RNF4: variants seen among roughly 807,000 people sequenced by gnomAD.
RNF4 encodes the protein ring finger protein 4.
RNF4 carries 7 observed loss-of-function variants against 24.3 expected under a neutral mutation model. The observed-to-expected ratio is 0.29, with a 90% CI of 0.16 to 0.54. The LOEUF (loss-of-function observed/expected upper bound fraction) is 0.54, where lower values mean the gene tolerates loss of function less well. Ranked by LOEUF, RNF4 falls within the 20% of genes least tolerant of loss-of-function variation. The probability of loss-of-function intolerance (pLI) is 0.95; values close to 1 mark genes in which losing one functional copy is unlikely to be tolerated. For synonymous variants in RNF4, 83 were observed against 84.3 expected (o/e 0.98, Z 0.09); for missense variants, 209 against 248.5 (o/e 0.84, Z 1.07).
intron 4 of RNF4, among the ~76,000 whole-genome samples, chr4:2,507,260 A>G (rs1158097654): frequency 6.6e-6 from 1 of 152,018 alleles, no homozygotes; most frequent in Non-Finnish European, 1.5e-5. Flanking sequence ...TCTGGGTGTA[A>G]AGGACACAGG....
chr4:2,489,297 C>A (rs538458864), intron 1 of RNF4, among the ~76,000 whole-genome samples: 1 of 152,128 alleles, frequency 6.6e-6, no homozygotes, highest in Non-Finnish European at 1.5e-5. Flanking sequence ...GACAGGAGAC[C>A]CAGCATGAGC....
At chr4:2,504,546 T>TTATTTATTTATG (rs1736010958) in intron 4 of RNF4, among the ~76,000 whole-genome samples, 1 of 149,328 alleles carries the variant, frequency 6.7e-6, no homozygotes, top group African/African-American at 2.4e-5. Flanking sequence ...ATTTATTTAT[T>TTATTTATTTATG]TATTTATTTA....
Position 2,474,970 on chromosome 4 carries a change from T to C in RNF4, c.-158+5712T>C, listed in dbSNP as rs1328172985. On this transcript the variant is annotated intron_variant, in intron 1 of 7. Transcript: ENST00000314289. The stretch of plus-strand genomic sequence containing the variant: ...TGAACCAGGGAGGCAGAGGTTGCGG[T>C]GAGCCAAGATTGCGCCGTTGTACTC... Among the ~76,000 whole-genome samples the C allele has an allele frequency of 2.6e-5, 4 of 152,050 alleles. No homozygotes were observed. In the East Asian group the frequency reaches 5.8e-4, roughly 22 times the overall value.
intron 1 of RNF4, among the ~76,000 whole-genome samples, chr4:2,477,008 C>G (rs1423002976): frequency 6.6e-6 from 1 of 151,420 alleles, no homozygotes; most frequent in Non-Finnish European, 1.5e-5. Flanking sequence ...TCTTGAACTC[C>G]TGACTTCAGG....
rs190241979 is a variant in RNF4 at position 2,479,256 on chromosome 4, G to A, written c.-158+9998G>A. Among the ~76,000 whole-genome samples, 49 of 152,316 alleles carry A rather than the reference G, an allele frequency of 3.2e-4. No homozygotes were observed. In the East Asian group the frequency reaches 9.3e-3, roughly 29 times the overall value. ...GATTTACAGGCTCATAGGTGGAAGG[G>A]ACTTGCCTTGTCTCGGATGAGACTT... On this transcript the variant is annotated intron_variant, in intron 1 of 7. Coordinates refer to ENST00000314289, the MANE Select transcript of RNF4 (RefSeq NM_002938.5).
intron 1 of RNF4, among the ~76,000 whole-genome samples, chr4:2,487,546 A>C (rs1735448246): frequency 6.6e-6 from 1 of 152,174 alleles, no homozygotes; most frequent in Non-Finnish European, 1.5e-5. Context: ...TCAGCCTCCC[A>C]GAGTGCTGGG....
intron 2 of RNF4, among the ~76,000 whole-genome samples, chr4:2,491,511 C>T (rs902835286): frequency 3.3e-5 from 5 of 152,104 alleles, no homozygotes; most frequent in African/African-American, 4.8e-5. Flanking sequence ...GGTACCATCT[C>T]GGCTTGCTGC....
chr4:2,499,175 C>T lies in RNF4; in HGVS notation c.125-1484C>T, dbSNP rs138006183. Reference sequence around the variant, plus strand: ...TCGTGCCACTGCACTCCTGCCTGGACGACAGAGCGAGACTCTGTCTCAAAA... The same window carrying T: ...TCGTGCCACTGCACTCCTGCCTGGATGACAGAGCGAGACTCTGTCTCAAAA... On this transcript the variant is annotated intron_variant, in intron 3 of 7. Transcript: ENST00000314289. 6.5e-4 allele frequency among the ~76,000 whole-genome samples: 99 copies of T among 151,912 alleles called. 1 individual carries two copies. Among genetic ancestry groups the T allele is most frequent in the African/African-American group, 2.0e-3 (83 of 41,438 alleles).
intron 4 of RNF4, among the ~76,000 whole-genome samples, chr4:2,511,149 GCA>G (rs1736262834): frequency 6.6e-6 from 1 of 152,238 alleles, no homozygotes; most frequent in Non-Finnish European, 1.5e-5. Flanking sequence ...CCTCACAACA[GCA>G]CAGTCAGATG....
chr4:2,493,495 G>C (rs1271512790), intron 2 of RNF4, among the ~76,000 whole-genome samples: 1 of 151,942 alleles, frequency 6.6e-6, no homozygotes, highest in Non-Finnish European at 1.5e-5. Context: ...AGAAAGACTT[G>C]GTCTGCTACA....
At chr4:2,483,172 C>T (rs1240004874) in intron 1 of RNF4, among the ~76,000 whole-genome samples, 2 of 152,186 alleles carry the variant, frequency 1.3e-5, no homozygotes, top group Non-Finnish European at 2.9e-5. Context: ...CATCCCATTC[C>T]TAGCCCCTGG....
chr4:2,497,246 T>C (rs995577000), intron 3 of RNF4, 125 bp downstream of exon 3: 48 of 612,612 alleles, frequency 7.8e-5, no homozygotes, highest in South Asian at 2.0e-4. Context: ...ACACTCACCA[T>C]GTACAACTCA....
Position 2,485,978 on chromosome 4 carries a change from A to T in RNF4, c.-157-4359A>T, listed in dbSNP as rs181379519. 7.9e-4 allele frequency among the ~76,000 whole-genome samples: 121 copies of T among 152,220 alleles called. 4 individuals carry two copies. The East Asian group carries it at 0.021, about 27-fold the overall frequency. ...AAAAATCACCGTCAGTGTTCCCGCT[A>T]GTTTCTGGAATTGATGTATTTGATT... On this transcript the variant is annotated intron_variant, in intron 1 of 7. Transcript: ENST00000314289.
intron 1 of RNF4, among the ~76,000 whole-genome samples, chr4:2,488,089 G>T (rs1054510029): frequency 3.3e-5 from 5 of 152,196 alleles, no homozygotes; most frequent in African/African-American, 1.2e-4. Flanking sequence ...TCTGCACAGA[G>T]GCTGTGTTTG....
At chr4:2,510,745 G>A (rs1429668383) in intron 4 of RNF4, among the ~76,000 whole-genome samples, 1 of 152,210 alleles carries the variant, frequency 6.6e-6, no homozygotes, top group East Asian at 1.9e-4. Context: ...TCCTGAAACA[G>A]CCCCTCCTAC....
At chr4:2,511,881 A>G in intron 4 of RNF4, 75 bp from the exon 5 acceptor site, 1 of 1,484,016 alleles carries the variant, frequency 6.7e-7, no homozygotes, top group East Asian at 2.4e-5. Flanking sequence ...GTCAGAAAAA[A>G]GAAATGGCTT....
At chr4:2,474,967 C>T (rs1264958119) in intron 1 of RNF4, among the ~76,000 whole-genome samples, 2 of 152,074 alleles carry the variant, frequency 1.3e-5, no homozygotes, top group South Asian at 2.1e-4. Flanking sequence ...GCAGAGGTTG[C>T]GGTGAGCCAA....
chr4:2,474,221 C>A lies in RNF4; in HGVS notation c.-158+4963C>A, dbSNP rs13133252. On this transcript the variant is annotated intron_variant, in intron 1 of 7. Coordinates refer to ENST00000314289, the MANE Select transcript of RNF4 (RefSeq NM_002938.5). ...AAACACCGTCTCTACTAAAAACACA[C>A]AAAAAAATTAGCCAGGTGTGGTGGC... Among the ~76,000 whole-genome samples the A allele has an allele frequency of 0.014, 52 of 3,792 alleles. No homozygotes were observed. The East Asian group carries it at 0.19, about 14-fold the overall frequency. 2.5% of individuals were successfully genotyped at this position (3,792 alleles called of 152,430 possible).
intron 1 of RNF4, among the ~76,000 whole-genome samples, chr4:2,481,772 G>T (rs1455553006): frequency 6.6e-6 from 1 of 152,036 alleles, no homozygotes; most frequent in African/African-American, 2.4e-5. Context: ...CAGTGGCATG[G>T]TCAGGGCTCA....
Sources: gnomAD v4.1 joint callset for allele counts (sites outside exome capture counted in the v4.1 genomes callset) on GRCh38, gnomAD v4.1.1 for gene constraint, MANE v1.5 for transcripts, NCBI Gene and HGNC (gene_info 2026-07-23, HGNC 2026-07-21) for gene names.